The following ZNF423 variants were observed in gnomAD, a reference collection of about 807,000 sequenced individuals.
ZNF423 encodes zinc finger protein 423.
In ZNF423, 12 loss-of-function variants were observed where a neutral mutation model predicts 95.8. The ratio of observed to expected loss-of-function variants is 0.13; its 90% CI spans 0.08 to 0.20. The LOEUF (loss-of-function observed/expected upper bound fraction) is 0.20. ZNF423 is among the 10% of genes least tolerant of loss of function. ZNF423 has a pLI of 1.00. For synonymous variants in ZNF423, 749 were observed against 711.9 expected (o/e 1.05, Z -0.83); for missense variants, 1,316 against 1,737.1 (o/e 0.76, Z 4.31).
intron 3 of ZNF423, among the ~76,000 whole-genome samples, chr16:49,676,886 G>A (rs1596835947): frequency 6.6e-6 from 1 of 152,152 alleles, no homozygotes; most frequent in African/African-American, 2.4e-5. Flanking sequence ...ATGTGGCCCT[G>A]GACCAGCAAC....
intron 2 of ZNF423, among the ~76,000 whole-genome samples, chr16:49,768,082 G>T (rs544880181): frequency 2.8e-4 from 42 of 152,246 alleles, no homozygotes; most frequent in African/African-American, 9.9e-4. Context: ...ACGGAGGTGC[G>T]GCTGGCCCAC....
intron 3 of ZNF423, among the ~76,000 whole-genome samples, chr16:49,641,183 G>T (rs776196214): frequency 1.3e-5 from 2 of 152,230 alleles, no homozygotes; most frequent in Non-Finnish European, 2.9e-5. Flanking sequence ...ACTGAGGCAC[G>T]GCCTCAGAGA....
At position 49,603,613 on chromosome 16, in the gene ZNF423, T is replaced by A. The variant is rs1221186192; in HGVS notation, c.3601+22557A>T. On this transcript the variant is annotated intron_variant, in intron 5 of 7. Coordinates refer to ENST00000563137, the MANE Select transcript of ZNF423 (RefSeq NM_001379286.1). This position sits in a 1 kb window ranked among gnomAD's most constrained non-coding sequence, Gnocchi z 4.1. ...TTAGTAGAGACGCGGTTTCACCATG[T>A]TGGCCAGGCTGGTCTCGAACTCCTG... Among the ~76,000 whole-genome samples, 1 of 152,226 alleles carries A rather than the reference T, an allele frequency of 6.6e-6. No individual in the cohort carries two copies. Among genetic ancestry groups the A allele is most frequent in the Non-Finnish European group, 1.5e-5 (1 of 68,046 alleles).
At chr16:49,657,394 G>A (rs1051939252) in intron 3 of ZNF423, among the ~76,000 whole-genome samples, 1 of 152,206 alleles carries the variant, frequency 6.6e-6, no homozygotes, top group Non-Finnish European at 1.5e-5. Context: ...GGAAGGGAAC[G>A]CTGAGGGACA....
intron 3 of ZNF423, among the ~76,000 whole-genome samples, chr16:49,725,680 G>A (rs1001700478): frequency 2.2e-4 from 33 of 152,326 alleles, no homozygotes; most frequent in African/African-American, 5.8e-4. Flanking sequence ...GCTGCAGGGC[G>A]TGTGTTCCAG....
chr16:49,825,776 G>A (rs764165928), intron 1 of ZNF423, among the ~76,000 whole-genome samples: 4 of 152,334 alleles, frequency 2.6e-5, no homozygotes, highest in Non-Finnish European at 5.9e-5. Context: ...GCGAGGGCGT[G>A]AATGAACGAA....
At chr16:49,501,952 A>C (rs1018556661) in intron 7 of ZNF423, among the ~76,000 whole-genome samples, 2 of 152,194 alleles carry the variant, frequency 1.3e-5, no homozygotes, top group African/African-American at 4.8e-5. Context: ...TGGGTGATGC[A>C]TTCAGTCATA....
At chr16:49,830,660 G>A (rs1359791407) in intron 1 of ZNF423, among the ~76,000 whole-genome samples, 1 of 152,168 alleles carries the variant, frequency 6.6e-6, no homozygotes, top group African/African-American at 2.4e-5. Flanking sequence ...ACACTGATGT[G>A]TCGGGGGGTG....
chr16:49,702,947 A>T (rs1445656482), intron 3 of ZNF423, among the ~76,000 whole-genome samples: 1 of 143,534 alleles, frequency 7.0e-6, no homozygotes, highest in Admixed American at 7.0e-5. Flanking sequence ...ACACACACAC[A>T]CACTCCATGG....
chr16:49,705,780 TCAGGTGACC>T (rs1214742163), intron 3 of ZNF423, among the ~76,000 whole-genome samples: 1 of 152,082 alleles, frequency 6.6e-6, no homozygotes, highest in African/African-American at 2.4e-5. Context: ...ACTCCTGACC[TCAGGTGACC>T]CACCCACCTT....
chr16:49,507,032 A>G (rs1300930435), intron 7 of ZNF423, among the ~76,000 whole-genome samples: 1 of 151,968 alleles, frequency 6.6e-6, no homozygotes, highest in Non-Finnish European at 1.5e-5. Context: ...TGAGAAGACA[A>G]TGGGCTTTGG....
intron 5 of ZNF423, among the ~76,000 whole-genome samples, chr16:49,529,587 T>C (rs2151717034): frequency 6.6e-6 from 1 of 152,052 alleles, no homozygotes; most frequent in African/African-American, 2.4e-5. Flanking sequence ...CCCTGTAATG[T>C]CCCTGGTACC....
intron 1 of ZNF423, among the ~76,000 whole-genome samples, chr16:49,826,501 C>T (rs1051576789): frequency 3.9e-5 from 6 of 152,184 alleles, no homozygotes; most frequent in Admixed American, 3.3e-4. Flanking sequence ...AGGTCCCAGT[C>T]CCTAACCACC....
At chr16:49,527,277 C>A (rs1316586385) in intron 5 of ZNF423, among the ~76,000 whole-genome samples, 1 of 152,228 alleles carries the variant, frequency 6.6e-6, no homozygotes, top group Non-Finnish European at 1.5e-5. Flanking sequence ...GCCACATACA[C>A]CCGACAGAGA....
chr16:49,752,201 T>C lies in ZNF423; in HGVS notation c.101-21230A>G, dbSNP rs549667721. On this transcript the variant is annotated intron_variant, in intron 2 of 7. Coordinates refer to ENST00000563137, the MANE Select transcript of ZNF423 (RefSeq NM_001379286.1). Reference sequence around the variant, plus strand: ...GCCCGTGACGTGGCCCAGGAAGGCATTGCAAACAGGTGGCCTGATGCCTCG... The same window carrying C: ...GCCCGTGACGTGGCCCAGGAAGGCACTGCAAACAGGTGGCCTGATGCCTCG... Among the ~76,000 whole-genome samples, 6 of 152,304 alleles carry C rather than the reference T, an allele frequency of 3.9e-5. No homozygotes were observed. The South Asian group carries it at 1.2e-3, about 32-fold the overall frequency.
At chr16:49,829,149 C>T (rs893200103) in intron 1 of ZNF423, among the ~76,000 whole-genome samples, 34 of 152,356 alleles carry the variant, frequency 2.2e-4, no homozygotes, top group African/African-American at 7.7e-4. Flanking sequence ...GGCAGTTACT[C>T]AGATTGCTTG....
At chr16:49,757,821 C>A (rs2033755132) in intron 2 of ZNF423, among the ~76,000 whole-genome samples, 1 of 152,182 alleles carries the variant, frequency 6.6e-6, no homozygotes, top group African/African-American at 2.4e-5. Context: ...CCCCAGTGTA[C>A]TGAAGGGGAA....
At position 49,787,682 on chromosome 16, in the gene ZNF423, A is replaced by G. The variant is rs751081524; in HGVS notation, c.100+1805T>C. 1.0e-3 allele frequency among the ~76,000 whole-genome samples: 155 copies of G among 152,250 alleles called. 1 individual carries two copies. Among genetic ancestry groups the G allele is most frequent in the Middle Eastern group, 6.8e-3 (2 of 294 alleles). ...AGACACCTCACTGCCTAGGGGATGC[A>G]GCTGGGGTGCTTGACACCCCCCCTG... On this transcript the variant is annotated intron_variant, in intron 2 of 7. Coordinates refer to ENST00000563137, the MANE Select transcript of ZNF423 (RefSeq NM_001379286.1).
intron 5 of ZNF423, among the ~76,000 whole-genome samples, chr16:49,594,818 G>A (rs1198915748): frequency 6.6e-6 from 1 of 152,142 alleles, no homozygotes; most frequent in Non-Finnish European, 1.5e-5. Context: ...GATACACAGA[G>A]GCCACCACTC....
Sources: allele counts gnomAD v4.1 joint callset (sites outside exome capture counted in the v4.1 genomes callset), GRCh38; gene constraint gnomAD v4.1.1; non-coding constraint Gnocchi (gnomAD v3.1); transcripts MANE v1.5; gene names NCBI Gene and HGNC (gene_info 2026-07-23, HGNC 2026-07-21).